The following ZNF407 variants were observed in gnomAD, a reference collection of about 807,000 sequenced individuals.
ZNF407 encodes the protein zinc finger protein 407.
ZNF407 carries 17 observed loss-of-function variants against 131.2 expected under a neutral mutation model. The ratio of observed to expected loss-of-function variants is 0.13; its 90% confidence interval spans 0.09 to 0.19. ZNF407 has a LOEUF of 0.19. ZNF407 is among the 10% of genes least tolerant of loss of function. The pLI is 1.00. For synonymous variants in ZNF407, 1,156 were observed against 1,062.0 expected, an observed-to-expected ratio of 1.09 and a Z score of -1.72; for missense variants, 2,681 against 2,830.6, an observed-to-expected ratio of 0.95 and a Z score of 1.20.
chr18:74,819,273 A>G (rs1970308783), intron 4 of ZNF407, among the ~76,000 whole-genome samples: 1 of 152,162 alleles, frequency 6.6e-6, no homozygotes, highest in Non-Finnish European at 1.5e-5. Context: ...TTATTGTAAG[A>G]TGCTTTTTGC....
At chr18:74,625,336 G>A (rs1420604106) in intron 1 of ZNF407, among the ~76,000 whole-genome samples, 1 of 146,016 alleles carries the variant, frequency 6.8e-6, no homozygotes, top group Non-Finnish European at 1.5e-5. Flanking sequence ...CTAAGCAAAT[G>A]TGTGTGTGTG....
chr18:74,755,038 T>TA (rs1968895316), intron 3 of ZNF407, among the ~76,000 whole-genome samples: 1 of 152,194 alleles, frequency 6.6e-6, no homozygotes, highest in Non-Finnish European at 1.5e-5. Context: ...TGCTCCTGTA[T>TA]TGGGTGTATA....
At chr18:74,648,462 G>GTT (rs139062878) in intron 3 of ZNF407, among the ~76,000 whole-genome samples, 2 of 152,060 alleles carry the variant, frequency 1.3e-5, no homozygotes, top group African/African-American at 4.8e-5. Flanking sequence ...CCATCAACTC[G>GTT]TTTTTTCGCT....
chr18:74,631,953 G>A lies in ZNF407; in HGVS notation c.934G>A (p.Ala312Thr), dbSNP rs773572221. 3.2e-5 allele frequency: 51 copies of A among 1,613,784 alleles called. 1 individual carries two copies. In the East Asian group the frequency reaches 1.1e-3, roughly 36 times the overall value. ...AAAACCAAGAACTTCTAAATCAATA[G>A]CAAAGAATAGTGATTCAAAAGGATT... ...HSKPRTSKSI[A>T]KNSDSKGLRN... The change falls in exon 2 of 9, where the codon GCA (alanine) becomes ACA (threonine). Residue 312 changes from alanine to threonine, a missense_variant. By Grantham distance (58) the Ala-to-Thr change is moderately conservative. Coordinates refer to ENST00000299687, the MANE Select transcript of ZNF407 (RefSeq NM_017757.3).
chr18:74,990,122 G>C (rs1055354549), intron 8 of ZNF407, among the ~76,000 whole-genome samples: 1 of 152,116 alleles, frequency 6.6e-6, no homozygotes, highest in Admixed American at 6.5e-5. Context: ...GTATTTTTAA[G>C]GATAATTGCA....
chr18:74,668,727 T>C (rs201905754), intron 3 of ZNF407, among the ~76,000 whole-genome samples: 1 of 152,228 alleles, frequency 6.6e-6, no homozygotes, highest in East Asian at 1.9e-4. Context: ...TGGATCTTTA[T>C]ACGTTGTTAA....
intron 8 of ZNF407, among the ~76,000 whole-genome samples, chr18:75,017,368 G>A (rs1973056828): frequency 6.6e-6 from 1 of 152,094 alleles, no homozygotes; most frequent in Non-Finnish European, 1.5e-5. Context: ...ATATATGTCA[G>A]CTTAAGGAAA....
chr18:74,876,565 A>AT (rs927438181), intron 4 of ZNF407, among the ~76,000 whole-genome samples: 10 of 151,588 alleles, frequency 6.6e-5, no homozygotes, highest in South Asian at 2.1e-4. Flanking sequence ...TATTTTCAGT[A>AT]TTTTTTTTTC....
chr18:74,647,929 C>T (rs1407753093), intron 3 of ZNF407, among the ~76,000 whole-genome samples: 1 of 151,984 alleles, frequency 6.6e-6, no homozygotes. Context: ...GGATGAGGGG[C>T]CATTCACAAG....
intron 4 of ZNF407, among the ~76,000 whole-genome samples, chr18:74,791,331 T>A (rs142850961): frequency 6.6e-6 from 1 of 152,356 alleles, no homozygotes; most frequent in Non-Finnish European, 1.5e-5. Flanking sequence ...TAGAAATGCT[T>A]CTAGTATATG....
intron 4 of ZNF407, among the ~76,000 whole-genome samples, chr18:74,817,417 C>T (rs970081059): frequency 6.6e-6 from 1 of 152,094 alleles, no homozygotes; most frequent in African/African-American, 2.4e-5. Context: ...CCACACATCC[C>T]CTTGTTTGCT....
At chr18:74,622,761 T>A (rs1468885010) in intron 1 of ZNF407, among the ~76,000 whole-genome samples, 1 of 151,900 alleles carries the variant, frequency 6.6e-6, no homozygotes, top group East Asian at 1.9e-4. Flanking sequence ...TGAATGAATA[T>A]TTGTGTGTGA....
chr18:74,668,182 C>T (rs990624607), intron 3 of ZNF407, among the ~76,000 whole-genome samples: 1 of 152,148 alleles, frequency 6.6e-6, no homozygotes, highest in Non-Finnish European at 1.5e-5. Flanking sequence ...TGGTTGCAGT[C>T]CAGACACTGT....
intron 8 of ZNF407, among the ~76,000 whole-genome samples, chr18:75,012,237 G>A (rs1284486174): frequency 6.6e-6 from 1 of 151,826 alleles, no homozygotes; most frequent in East Asian, 1.9e-4. Context: ...GAACATCACA[G>A]GGCTTGAAGC....
chr18:74,673,981 G>C (rs1041614811), intron 3 of ZNF407, among the ~76,000 whole-genome samples: 1 of 152,172 alleles, frequency 6.6e-6, no homozygotes, highest in Non-Finnish European at 1.5e-5. Context: ...AGTTTTAAAG[G>C]TATAAGCAAT....
At chr18:74,815,717 C>T (rs1353604279) in intron 4 of ZNF407, among the ~76,000 whole-genome samples, 2 of 152,104 alleles carry the variant, frequency 1.3e-5, no homozygotes, top group African/African-American at 2.4e-5. Context: ...GAGCAAGATT[C>T]GAAGTAAATC....
intron 3 of ZNF407, among the ~76,000 whole-genome samples, chr18:74,683,504 T>A (rs1967032745): frequency 6.6e-6 from 1 of 152,226 alleles, no homozygotes; most frequent in African/African-American, 2.4e-5. Context: ...AAGAACACTT[T>A]ATGTCTGAAT....
At chr18:74,783,075 T>C (rs1040168949) in intron 4 of ZNF407, among the ~76,000 whole-genome samples, 9 of 152,372 alleles carry the variant, frequency 5.9e-5, no homozygotes, top group African/African-American at 2.2e-4. Context: ...TGTTTAAGTA[T>C]GTAGAAACAG....
intron 3 of ZNF407, among the ~76,000 whole-genome samples, chr18:74,681,154 A>G (rs1483164226): frequency 2.0e-5 from 3 of 152,178 alleles, no homozygotes; most frequent in African/African-American, 7.2e-5. Flanking sequence ...GGGTAGGACA[A>G]AGCCAGAGGA....
Sources: gnomAD v4.1 joint callset for allele counts (sites outside exome capture counted in the v4.1 genomes callset) on GRCh38, gnomAD v4.1.1 for gene constraint, MANE v1.5 for transcripts, NCBI Gene and HGNC (gene_info 2026-07-23, HGNC 2026-07-21) for gene names.